The following DAAM1 variants were observed in gnomAD, a reference collection of about 807,000 sequenced individuals.
The protein encoded by DAAM1 is disheveled-associated activator of morphogenesis 1.
A neutral mutation model predicts 130.0 loss-of-function variants in DAAM1; 52 were observed. That is an observed-to-expected ratio of 0.40 (90% CI 0.32 to 0.50). The LOEUF (loss-of-function observed/expected upper bound fraction) is 0.50, where lower values mean the gene tolerates loss of function less well. Ranked by LOEUF, DAAM1 falls within the 20% of genes least tolerant of loss-of-function variation. The pLI, the probability that DAAM1 is intolerant of heterozygous loss-of-function variation, is 0.61. For missense variants in DAAM1, 1,134 were observed against 1,303.8 expected, an observed-to-expected ratio of 0.87 and a Z score of 2.01; for synonymous variants, 452 against 444.5, an observed-to-expected ratio of 1.02 and a Z score of -0.21.
At chr14:59,356,979 T>C (rs188281558) in intron 20 of DAAM1, among the ~76,000 whole-genome samples, 4 of 152,350 alleles carry the variant, frequency 2.6e-5, no homozygotes, top group Admixed American at 6.5e-5. Context: ...CGTTGTTCAG[T>C]TGAATCTAAT....
intron 20 of DAAM1, among the ~76,000 whole-genome samples, chr14:59,357,606 G>T (rs183671438): frequency 3.3e-5 from 5 of 152,066 alleles, no homozygotes; most frequent in Non-Finnish European, 7.4e-5. Context: ...GTGAAACCTC[G>T]TCTCTACTAC....
chr14:59,345,625 C>T lies in DAAM1; in HGVS notation c.2076-1914C>T, dbSNP rs552977369. On this transcript the variant is annotated intron_variant, in intron 16 of 24. Coordinates refer to ENST00000360909, the MANE Select transcript of DAAM1 (RefSeq NM_001270520.2). ...CAGAGGCATCCTTGGTGGGGTGCCT[C>T]ATCCAGCTTCACCTGGGGCTTCTCT... Among the ~76,000 whole-genome samples, 3 of 152,244 alleles carry T rather than the reference C, an allele frequency of 2.0e-5. No individual in the cohort carries two copies. The East Asian group carries it at 5.8e-4, about 29-fold the overall frequency.
chr14:59,190,228 C>G (rs1660220027), intron 1 of DAAM1, among the ~76,000 whole-genome samples: 1 of 152,148 alleles, frequency 6.6e-6, no homozygotes, highest in African/African-American at 2.4e-5. Context: ...GGACACAGTT[C>G]TAAACCCCTT....
intron 22 of DAAM1, chr14:59,363,177 A>G (rs1310566593): frequency 1.3e-5 from 2 of 159,024 alleles, no homozygotes; most frequent in African/African-American, 4.8e-5. Flanking sequence ...GCTACAGCCA[A>G]AATTCTACTA....
chr14:59,269,090 C>T (rs1882594315), intron 2 of DAAM1, among the ~76,000 whole-genome samples: 1 of 152,178 alleles, frequency 6.6e-6, no homozygotes, highest in Non-Finnish European at 1.5e-5. Context: ...TCTGCTAATC[C>T]TGAGGTAACT....
rs144313853 is a variant in DAAM1, at chr14:59,290,581, C to G, written c.184-636C>G. 2.0e-5 allele frequency among the ~76,000 whole-genome samples: 3 copies of G among 152,278 alleles called. No homozygotes were observed. In the East Asian group the frequency reaches 5.8e-4, roughly 29 times the overall value. ...ATGCAATGAGGGAGTCACTGCCTTG[C>G]CCAAAACTTCATTGCCTCAATTCAT... On this transcript the variant is annotated intron_variant, in intron 2 of 24. Coordinates refer to ENST00000360909, the MANE Select transcript of DAAM1 (RefSeq NM_001270520.2).
chr14:59,261,269 G>T (rs1310741109), intron 1 of DAAM1, among the ~76,000 whole-genome samples: 2 of 152,086 alleles, frequency 1.3e-5, no homozygotes, highest in African/African-American at 2.4e-5. Flanking sequence ...AGTTTACATG[G>T]CACTTACTGG....
chr14:59,226,024 A>G (rs749407348), intron 1 of DAAM1, among the ~76,000 whole-genome samples: 7 of 152,178 alleles, frequency 4.6e-5, no homozygotes, highest in Non-Finnish European at 7.3e-5. Context: ...AATGCAACAT[A>G]TACTCGAAAT....
intron 13 of DAAM1, 119 bp downstream of exon 13, chr14:59,330,807 A>T (rs1008377823): frequency 4.7e-6 from 5 of 1,070,470 alleles, no homozygotes; most frequent in Non-Finnish European, 6.5e-6. Context: ...CTCATGATTC[A>T]TCACAATTAG....
intron 1 of DAAM1, among the ~76,000 whole-genome samples, chr14:59,233,936 G>C (rs541163671): frequency 8.5e-5 from 13 of 152,202 alleles, no homozygotes; most frequent in Middle Eastern, 3.4e-3. Flanking sequence ...AGATCAGATG[G>C]TTGTAGATGT....
rs139316813 is a variant in DAAM1, at chr14:59,324,988, C to G, written c.989+534C>G. ...CTTTTCTCTACCACGGCTCTCCTCTCCTGTATATTCATATACTCCAACATG... is the reference window on the plus strand; with the variant it reads ...CTTTTCTCTACCACGGCTCTCCTCTGCTGTATATTCATATACTCCAACATG... On this transcript the variant is annotated intron_variant, in intron 8 of 24. Coordinates refer to ENST00000360909, the MANE Select transcript of DAAM1 (RefSeq NM_001270520.2). Among the ~76,000 whole-genome samples the G allele has an allele frequency of 5.3e-4, 80 of 152,312 alleles. No homozygotes were observed. The East Asian group carries it at 0.013, about 24-fold the overall frequency.
At chr14:59,200,473 C>T (rs920605148) in intron 1 of DAAM1, among the ~76,000 whole-genome samples, 20 of 151,852 alleles carry the variant, frequency 1.3e-4, no homozygotes, top group African/African-American at 4.6e-4. Flanking sequence ...CTCCCCCAAA[C>T]AAGAATGTTT....
intron 3 of DAAM1, among the ~76,000 whole-genome samples, chr14:59,314,266 A>G (rs1021308313): frequency 1.3e-5 from 2 of 152,228 alleles, no homozygotes; most frequent in African/African-American, 4.8e-5. Flanking sequence ...TGTACATGGC[A>G]TAACATCTTC....
intron 2 of DAAM1, among the ~76,000 whole-genome samples, chr14:59,279,267 A>G (rs1310968774): frequency 6.6e-6 from 1 of 152,176 alleles, no homozygotes; most frequent in African/African-American, 2.4e-5. Flanking sequence ...CTGTAGATCT[A>G]CTTTTTCTAA....
chr14:59,234,847 C>T (rs972814382), intron 1 of DAAM1, among the ~76,000 whole-genome samples: 1 of 152,110 alleles, frequency 6.6e-6, no homozygotes, highest in South Asian at 2.1e-4. Flanking sequence ...GAGTTTTTAG[C>T]ATGAATGGAT....
intron 1 of DAAM1, among the ~76,000 whole-genome samples, chr14:59,231,696 G>A (rs928142487): frequency 1.2e-4 from 19 of 152,146 alleles, no homozygotes; most frequent in Admixed American, 1.2e-3. Flanking sequence ...TCACATCACC[G>A]GCTTGTAGTT....
chr14:59,230,787 A>G (rs1475067504), intron 1 of DAAM1, among the ~76,000 whole-genome samples: 3 of 152,154 alleles, frequency 2.0e-5, no homozygotes, highest in African/African-American at 7.2e-5. Context: ...GGGGTACTCC[A>G]TTCTTCATGA....
intron 1 of DAAM1, among the ~76,000 whole-genome samples, chr14:59,256,578 C>A (rs74553229): frequency 1.1e-4 from 17 of 152,326 alleles, no homozygotes; most frequent in Non-Finnish European, 1.6e-4. Flanking sequence ...GTGACTTCTT[C>A]CTCTGCAACA....
chr14:59,301,942 CCTT>C (rs2139583678), intron 3 of DAAM1, among the ~76,000 whole-genome samples: 1 of 152,260 alleles, frequency 6.6e-6, no homozygotes, highest in South Asian at 2.1e-4. Context: ...TACCATCTCT[CCTT>C]GTGCTTTCTA....
Sources: gnomAD v4.1 joint callset for allele counts (sites outside exome capture counted in the v4.1 genomes callset) on GRCh38, gnomAD v4.1.1 for gene constraint, MANE v1.5 for transcripts, NCBI Gene and HGNC (gene_info 2026-07-23, HGNC 2026-07-21) for gene names.